Variants in TTC21B observed in about 807,000 individuals in gnomAD.
TTC21B encodes the protein tetratricopeptide repeat domain 21B.
Under a neutral mutation model 175.1 loss-of-function variants are expected in TTC21B, and 127 were observed. That is an observed-to-expected ratio of 0.73 (90% CI 0.63 to 0.84). The LOEUF (loss-of-function observed/expected upper bound fraction) is 0.84, where lower values mean the gene tolerates loss of function less well. TTC21B is among the 40% of genes least tolerant of loss of function. The pLI is 0.00. For missense variants in TTC21B, 1,561 were observed against 1,558.3 expected (o/e 1.00, Z -0.03); for synonymous variants, 524 against 524.5 (o/e 1.00, Z 0.01).
At chr2:165,893,954 T>A (rs887743977) in intron 22 of TTC21B, among the ~76,000 whole-genome samples, 3 of 152,180 alleles carry the variant, frequency 2.0e-5, no homozygotes, top group African/African-American at 7.2e-5. Flanking sequence ...AATAATGCTA[T>A]GATTTTAGAC....
At chr2:165,952,300 CATAA>C (rs1191657950) in intron 1 of TTC21B, among the ~76,000 whole-genome samples, 8 of 152,286 alleles carry the variant, frequency 5.3e-5, no homozygotes, top group Non-Finnish European at 8.8e-5. Context: ...TTTCAGTGTT[CATAA>C]ATAAAGTTTT....
In TTC21B at chr2:165,898,641, G is replaced by C. The variant is rs753271365; in HGVS notation, c.2950+45C>G. On this transcript the variant is annotated intron_variant, in intron 22 of 28. Coordinates refer to ENST00000243344, the MANE Select transcript of TTC21B (RefSeq NM_024753.5). ...ACTAAACAGAAGAAAAAAGGAGAAA[G>C]GGAGGGGTGACTGCACTCAAAAAAT... 2.4e-6 allele frequency: 3 copies of C among 1,274,758 alleles called. No homozygotes were observed. In the South Asian group the frequency reaches 3.6e-5, roughly 15 times the overall value. The allele number at this position is 1,274,758 out of a possible 1,614,324, so 79.0% of individuals were successfully genotyped here. A position where few individuals can be genotyped will look rare whatever the true frequency, so the allele number is the denominator to read the frequency against.
At chr2:165,924,962 T>C (rs1043452212) in intron 11 of TTC21B, among the ~76,000 whole-genome samples, 2 of 152,192 alleles carry the variant, frequency 1.3e-5, no homozygotes, top group Admixed American at 6.5e-5. Flanking sequence ...GTATTATCTA[T>C]TCAAAAGTTT....
intron 11 of TTC21B, among the ~76,000 whole-genome samples, chr2:165,925,221 C>T (rs1043399462): frequency 6.6e-5 from 10 of 152,124 alleles, no homozygotes; most frequent in African/African-American, 2.4e-4. Context: ...TTACATTCCC[C>T]ACTCTTCATC....
chr2:165,900,022 A>AC lies in TTC21B; in HGVS notation c.2758-143_2758-142insG, dbSNP rs1553508570. 6.8e-4 allele frequency: 454 copies of AC among 666,158 alleles called. 1 individual carries two copies. In the African/African-American group the frequency reaches 7.9e-3, roughly 12 times the overall value. The allele number at this position is 666,158 out of a possible 1,614,324, so 41.3% of individuals were successfully genotyped here. A position where few individuals can be genotyped will look rare whatever the true frequency, so the allele number is the denominator to read the frequency against. On this transcript the variant is annotated intron_variant, in intron 20 of 28. Coordinates refer to ENST00000243344, the MANE Select transcript of TTC21B (RefSeq NM_024753.5). ...AGTATAATAGACAAAAAAAAAAAAA[A>AC]AACAACAGTATGTATACCCATCTCT...
chr2:165,942,425 G>GT (rs1193535355), intron 5 of TTC21B, among the ~76,000 whole-genome samples: 1 of 152,124 alleles, frequency 6.6e-6, no homozygotes, highest in Non-Finnish European at 1.5e-5. Context: ...CCCTCAAAAT[G>GT]TATGTCCGAT....
chr2:165,924,588 G>A lies in TTC21B; in HGVS notation c.1477C>T (p.Gln493Ter), dbSNP rs770529192. 1 of 1,613,682 alleles carries A rather than the reference G, an allele frequency of 6.2e-7. No individual in the cohort carries two copies. The highest frequency in any genetic ancestry group is 8.5e-7 in the Non-Finnish European group (1 of 1,179,768). The change falls in exon 12 of 29, where the codon CAA (glutamine) becomes TAA (stop). Residue 493 changes from glutamine to a stop codon, truncating the protein, a stop_gained. Transcript: ENST00000243344. LOFTEE classifies it high-confidence loss of function. ...ACTTTTGCTATTAGGAAGACTGTTTGCAGAAGACCTGGAACAGTTCTTACT... is the reference window on the plus strand; with the variant it reads ...ACTTTTGCTATTAGGAAGACTGTTTACAGAAGACCTGGAACAGTTCTTACT... Reference protein sequence around the residue: ...TVVRTVPGLLQTVFLIAKVKY... With the variant: ...TVVRTVPGLL
intron 9 of TTC21B, 39 bp from the exon 10 acceptor site, chr2:165,929,786 C>A: frequency 7.4e-7 from 1 of 1,353,812 alleles, no homozygotes; most frequent in Non-Finnish European, 1.1e-6. Flanking sequence ...AAGTCCACAC[C>A]AATTCAGGGA....
At chr2:165,933,096 A>G (rs570934026) in intron 6 of TTC21B, 39 bp from the exon 7 acceptor site, 2 of 1,578,514 alleles carry the variant, frequency 1.3e-6, no homozygotes, top group Admixed American at 1.7e-5. Flanking sequence ...AAATAAATTT[A>G]TATATTTTCT....
intron 12 of TTC21B, among the ~76,000 whole-genome samples, chr2:165,919,864 T>C (rs1686323047): frequency 6.6e-6 from 1 of 152,230 alleles, no homozygotes; most frequent in Non-Finnish European, 1.5e-5. Context: ...TAATCATTCT[T>C]GGTCAAAAAT....
intron 27 of TTC21B, among the ~76,000 whole-genome samples, chr2:165,877,848 G>C (rs988297025): frequency 4.6e-5 from 7 of 152,266 alleles, no homozygotes; most frequent in African/African-American, 1.7e-4. Flanking sequence ...AGAAGTTTCA[G>C]AGAGGTAAAC....
At chr2:165,951,897 G>A (rs1687772593) in intron 1 of TTC21B, among the ~76,000 whole-genome samples, 2 of 152,244 alleles carry the variant, frequency 1.3e-5, no homozygotes. Flanking sequence ...AATGTGGTGT[G>A]AGGGGAGGAT....
Position 165,915,229 on chromosome 2 carries a change from C to A in TTC21B, c.2110G>T (p.Asp704Tyr). Residue 704 changes from aspartate to tyrosine, a missense_variant, in exon 15 of 29, where the codon GAT (aspartate) becomes TAT (tyrosine). Physicochemically the swap from Asp to Tyr is radical, Grantham distance 160. Transcript: ENST00000243344. ...MADIYLKHRKDKMLYITCFRE... is the reference protein window; with the variant it reads ...MADIYLKHRKYKMLYITCFRE... ...AAACAAGTGATATATAACATTTTAT[C>A]TTTTCTGTGCTTCAGATAAATATCT... 2 of 1,613,804 alleles carry A rather than the reference C, an allele frequency of 1.2e-6. No individual in the cohort carries two copies. The highest frequency in any genetic ancestry group is 4.5e-5 in the East Asian group (2 of 44,866).
intron 6 of TTC21B, among the ~76,000 whole-genome samples, chr2:165,937,430 T>C (rs1687190672): frequency 6.6e-6 from 1 of 152,142 alleles, no homozygotes; most frequent in South Asian, 2.1e-4. Context: ...AACTGTAATA[T>C]AAATGACGGA....
chr2:165,888,261 A>G lies in TTC21B; in HGVS notation c.3459+18T>C. The G allele has an allele frequency of 6.3e-7, 1 of 1,587,162 alleles. No individual in the cohort carries two copies. The highest frequency in any genetic ancestry group is 8.7e-7 in the Non-Finnish European group (1 of 1,155,558). ...AAATAAAGATACCACATGAAGCTGAAAAAGGAAATCCACTAACCTCAGATG... is the reference window on the plus strand; with the variant it reads ...AAATAAAGATACCACATGAAGCTGAGAAAGGAAATCCACTAACCTCAGATG... On this transcript the variant is annotated intron_variant, in intron 25 of 28. Transcript: ENST00000243344.
chr2:165,926,739 T>C (rs1483873713), intron 11 of TTC21B, among the ~76,000 whole-genome samples: 1 of 151,880 alleles, frequency 6.6e-6, no homozygotes, highest in African/African-American at 2.4e-5. Context: ...GCTGCCAGCA[T>C]GGCTGGAATA....
chr2:165,930,735 GTGTGTGT>G, intron 8 of TTC21B, among the ~76,000 whole-genome samples: 1 of 18,386 alleles, frequency 5.4e-5, no homozygotes, highest in African/African-American at 3.0e-4. Context: ...GTATGGGGGT[GTGTGTGT>G]GTGTGTGTGT....
intron 27 of TTC21B, 32 bp downstream of exon 27, chr2:165,880,647 C>T (rs1279875900): frequency 6.2e-7 from 1 of 1,611,616 alleles, no homozygotes; most frequent in African/African-American, 1.3e-5. Context: ...CATAATTTTT[C>T]TGTGAAAAAT....
intron 17 of TTC21B, among the ~76,000 whole-genome samples, chr2:165,911,936 A>G (rs1685963392): frequency 6.6e-6 from 1 of 152,178 alleles, no homozygotes; most frequent in African/African-American, 2.4e-5. Context: ...AAGTGTTAGG[A>G]TTACAGGCGT....
Sources: gnomAD v4.1 joint callset for allele counts (sites outside exome capture counted in the v4.1 genomes callset) on GRCh38, gnomAD v4.1.1 for gene constraint, MANE v1.5 for transcripts, NCBI Gene and HGNC (gene_info 2026-07-23, HGNC 2026-07-21) for gene names.